NLRC5: variants seen among roughly 807,000 people sequenced by gnomAD.
NLRC5 encodes the protein NLR family CARD domain containing 5.
Under a neutral mutation model 206.9 loss-of-function variants are expected in NLRC5, and 114 were observed. The observed-to-expected ratio is 0.55, with a 90% CI of 0.47 to 0.64. The LOEUF (loss-of-function observed/expected upper bound fraction) is 0.64. Among genes scored for constraint, NLRC5 ranks in the 30% least tolerant of loss-of-function variants. The pLI, the probability that NLRC5 is intolerant of heterozygous loss-of-function variation, is 0.00. For synonymous variants in NLRC5, 952 were observed against 962.8 expected (o/e 0.99, Z 0.21); for missense variants, 2,008 against 2,305.5 (o/e 0.87, Z 2.64).
intron 23 of NLRC5, among the ~76,000 whole-genome samples, chr16:57,051,257 G>A (rs1294630217): frequency 1.3e-5 from 2 of 152,226 alleles, no homozygotes; most frequent in Non-Finnish European, 2.9e-5. Flanking sequence ...AAAGTCTGCT[G>A]TAGCTCCTTG....
At chr16:57,018,618 G>A (rs1034408621) in intron 2 of NLRC5, among the ~76,000 whole-genome samples, 5 of 152,312 alleles carry the variant, frequency 3.3e-5, no homozygotes, top group Middle Eastern at 3.4e-3. Flanking sequence ...ACCCCAGGAC[G>A]CATAGTACTG....
At chr16:57,040,849 T>A in intron 17 of NLRC5, 131 bp downstream of exon 17, 1 of 858,580 alleles carries the variant, frequency 1.2e-6, no homozygotes, top group South Asian at 1.6e-5. Context: ...TGTCCAGGGG[T>A]CATGGCCTGG....
intron 11 of NLRC5, 56 bp downstream of exon 11, chr16:57,031,519 A>G (rs1313769639): frequency 3.6e-5 from 56 of 1,558,264 alleles, no homozygotes; most frequent in Non-Finnish European, 4.9e-5. Context: ...ACTTGGGCTC[A>G]GGCAGTTGAG....
At chr16:57,015,113 G>C (rs1430452907) in intron 1 of NLRC5, among the ~76,000 whole-genome samples, 2 of 152,182 alleles carry the variant, frequency 1.3e-5, no homozygotes, top group Non-Finnish European at 2.9e-5. Context: ...GTTTTTATTA[G>C]AGATGGGGTT....
At chr16:57,007,644 G>A (rs941858320) in intron 1 of NLRC5, among the ~76,000 whole-genome samples, 1 of 152,164 alleles carries the variant, frequency 6.6e-6, no homozygotes, top group African/African-American at 2.4e-5. Context: ...CAGAAGAATT[G>A]CTTGAACTGG....
rs1471544264 is a variant in NLRC5, at chr16:57,067,433, C to T, written c.4369C>T (p.Gln1457Ter). The stretch of plus-strand genomic sequence containing the variant: ...AGCCCACCACAGCCTTCTTGTCGGG[C>T]AGCTGATGGAGACATGTGCCAGGCT... ...LGAHHSLLVG[Q>*]LMETCARLQQ... The change falls in exon 35 of 49, where the codon CAG (glutamine) becomes TAG (stop). Residue 1457 changes from glutamine (Q) to a stop codon, truncating the protein, a stop_gained. Coordinates refer to ENST00000688547, the MANE Select transcript of NLRC5 (RefSeq NM_001384950.1). LOFTEE classifies it high-confidence loss of function. The T allele has an allele frequency of 6.2e-7, 1 of 1,614,234 alleles. No homozygotes were observed. The highest frequency in any genetic ancestry group is 8.5e-7 in the Non-Finnish European group (1 of 1,180,042).
At chr16:56,996,388 G>A (rs1025519786) in intron 1 of NLRC5, among the ~76,000 whole-genome samples, 25 of 152,078 alleles carry the variant, frequency 1.6e-4, no homozygotes, top group African/African-American at 4.6e-4. Flanking sequence ...GTCTCATTAC[G>A]TTGCCCAGGC....
At chr16:57,023,225 T>G (rs1273587928) in intron 4 of NLRC5, among the ~76,000 whole-genome samples, 2 of 152,162 alleles carry the variant, frequency 1.3e-5, no homozygotes, top group Non-Finnish European at 2.9e-5. Context: ...TCCCCTTCCT[T>G]CTTGTTTTCC....
intron 38 of NLRC5, among the ~76,000 whole-genome samples, chr16:57,072,344 A>G (rs1167860418): frequency 3.9e-5 from 6 of 152,172 alleles, no homozygotes; most frequent in African/African-American, 1.4e-4. Context: ...CCCTAAAGCA[A>G]TCACTGTGGC....
intron 47 of NLRC5, 21 bp from the exon 48 acceptor site, chr16:57,081,506 C>T: frequency 3.1e-6 from 5 of 1,610,028 alleles, no homozygotes; most frequent in Non-Finnish European, 3.4e-6. Context: ...CTTTCCCCTC[C>T]CCTCACTGTC....
chr16:57,035,923 A>G (rs181148697), intron 13 of NLRC5, among the ~76,000 whole-genome samples, 177 bp from the exon 14 acceptor site: 5 of 152,230 alleles, frequency 3.3e-5, no homozygotes, highest in Non-Finnish European at 5.9e-5. Flanking sequence ...GCCAATAGTC[A>G]TAGAAGAACC....
In NLRC5 at chr16:57,031,097, T is replaced by G. The variant is rs1266451360; in HGVS notation, c.2418-307T>G. On this transcript the variant is annotated intron_variant, in intron 10 of 48. Coordinates refer to ENST00000688547, the MANE Select transcript of NLRC5 (RefSeq NM_001384950.1). ...CCTGAGTAGCAGAGTGAGATCTCCA[T>G]CTCAAATTTAAAAAGAAAGGAAAAA... is the stretch of plus-strand genomic sequence containing the variant. Among the ~76,000 whole-genome samples, 3 of 151,444 alleles carry G rather than the reference T, an allele frequency of 2.0e-5. No homozygotes were observed. In the East Asian group the frequency reaches 5.8e-4, roughly 29 times the overall value.
intron 46 of NLRC5, 55 bp downstream of exon 46, chr16:57,079,684 T>C: frequency 6.7e-7 from 1 of 1,496,958 alleles, no homozygotes. Flanking sequence ...TCGGGAGGGG[T>C]CGGGGGAGTT....
rs760169858 is a variant in NLRC5 at position 57,028,345 on chromosome 16, G to A, written c.2203G>A (p.Val735Met). 1 of 1,614,198 alleles carries A rather than the reference G, an allele frequency of 6.2e-7. No homozygotes were observed. The highest frequency in any genetic ancestry group is 8.5e-7 in the Non-Finnish European group (1 of 1,180,030). ...CACTGCCCGAGGCATCAGCCACCTG[G>A]TGAAAGCTTTGCCTCTCTGTCCACA... The part of the protein sequence containing the change: ...KITARGISHL[V>M]KALPLCPQLK... Residue 735 changes from valine to methionine, a missense_variant, in exon 8 of 49, where the codon GTG (valine) becomes ATG (methionine). Val to Met is a conservative substitution (Grantham distance 21). Transcript: ENST00000688547.
Position 57,043,609 on chromosome 16 carries a change from G to A in NLRC5, c.3203+5G>A. ...GCTCTTCCGCTTGGACATCAGGTGA[G>A]CGTGCCTCTCCGCCCCCAGCCCTGC... On this transcript the variant is annotated splice_donor_5th_base_variant and intron_variant, in intron 20 of 48. Transcript: ENST00000688547. The A allele has an allele frequency of 6.2e-7, 1 of 1,612,640 alleles. No individual in the cohort carries two copies. Among genetic ancestry groups the A allele is most frequent in the South Asian group, 1.1e-5 (1 of 91,058 alleles).
intron 1 of NLRC5, among the ~76,000 whole-genome samples, chr16:57,007,128 T>A (rs1293171984): frequency 6.6e-6 from 1 of 152,168 alleles, no homozygotes; most frequent in African/African-American, 2.4e-5. Flanking sequence ...GGGTCCACAG[T>A]GGAAAAGGCT....
intron 1 of NLRC5, chr16:57,004,417 T>C (rs377500163): frequency 2.6e-4 from 40 of 152,366 alleles, no homozygotes; most frequent in African/African-American, 9.6e-4. Flanking sequence ...CATAAGCCAA[T>C]GTTTATTCGT....
At chr16:57,019,403 A>AG (rs1395883945) in intron 2 of NLRC5, among the ~76,000 whole-genome samples, 2 of 152,180 alleles carry the variant, frequency 1.3e-5, no homozygotes, top group African/African-American at 4.8e-5. Flanking sequence ...TCTCAAAAAA[A>AG]AAAGAGTTCC....
In NLRC5 at chr16:57,026,570, C is replaced by CAG; in HGVS notation, c.1627_1628insAG (p.Leu543GlnfsTer54). The stretch of plus-strand genomic sequence containing the variant: ...AGACACACTTACCCAGTATGTTACC[C>CAG]TCCATTCCCGCTGGGTACAGCGGAC... On this transcript the variant is annotated frameshift_variant, in exon 6 of 49. Transcript: ENST00000688547. LOFTEE classifies it high-confidence loss of function. 1 of 1,614,248 alleles carries CAG rather than the reference C, an allele frequency of 6.2e-7. No homozygotes were observed. Among genetic ancestry groups the CAG allele is most frequent in the Non-Finnish European group, 8.5e-7 (1 of 1,180,050 alleles).
Sources: gnomAD v4.1 joint callset for allele counts (sites outside exome capture counted in the v4.1 genomes callset) on GRCh38, gnomAD v4.1.1 for gene constraint, MANE v1.5 for transcripts, NCBI Gene and HGNC (gene_info 2026-07-23, HGNC 2026-07-21) for gene names.